Variants in MTUS2 observed in about 807,000 individuals in gnomAD.
MTUS2 encodes microtubule-associated tumor suppressor candidate 2.
A neutral mutation model predicts 114.1 loss-of-function variants in MTUS2; 40 were observed. That is an observed-to-expected ratio of 0.35 (90% CI 0.27 to 0.46). MTUS2 has a LOEUF of 0.46. Ranked by LOEUF, MTUS2 falls within the 20% of genes least tolerant of loss-of-function variation. MTUS2 has a pLI of 1.00. For missense variants in MTUS2, 1,679 were observed against 1,705.4 expected (o/e 0.98, Z 0.27); for synonymous variants, 688 against 672.0 (o/e 1.02, Z -0.37).
At chr13:28,904,923 A>G (rs1200817177) in intron 2 of MTUS2, among the ~76,000 whole-genome samples, 3 of 151,290 alleles carry the variant, frequency 2.0e-5, no homozygotes, top group Non-Finnish European at 4.4e-5. Context: ...ATCCTCTTTT[A>G]TTTCATTGAG....
At chr13:29,328,450 G>C (rs1374158738) in intron 7 of MTUS2, among the ~76,000 whole-genome samples, 1 of 152,246 alleles carries the variant, frequency 6.6e-6, no homozygotes, top group Non-Finnish European at 1.5e-5. Context: ...TCAAAGCAGA[G>C]GGCTGGGGAG....
intron 8 of MTUS2, among the ~76,000 whole-genome samples, chr13:29,388,677 A>G (rs531242403): frequency 6.7e-6 from 1 of 148,196 alleles, no homozygotes; most frequent in Admixed American, 7.1e-5. Flanking sequence ...AAATAAAATT[A>G]AAATTTAAAA....
At chr13:29,244,955 C>CAAAAAAAAAAAAAAAAAAAAAAAAAAAAA (rs56095961) in intron 5 of MTUS2, among the ~76,000 whole-genome samples, 2 of 60,506 alleles carry the variant, frequency 3.3e-5, no homozygotes, top group Admixed American at 2.0e-4. Context: ...GACTCCGTCT[C>CAAAAAAAAAAAAAAAAAAAAAAAAAAAAA]AAAAAAAAAA....
chr13:29,050,602 T>G (rs1240583404), intron 4 of MTUS2, among the ~76,000 whole-genome samples: 2 of 152,176 alleles, frequency 1.3e-5, no homozygotes, highest in Admixed American at 6.5e-5. Context: ...TACCCCCCTC[T>G]TCACACCCAG....
chr13:29,218,109 C>A (rs1895753782), intron 5 of MTUS2, among the ~76,000 whole-genome samples: 1 of 151,784 alleles, frequency 6.6e-6, no homozygotes, highest in African/African-American at 2.4e-5. Flanking sequence ...AGAGTGAGAC[C>A]TTGTCCCTCC....
intron 2 of MTUS2, among the ~76,000 whole-genome samples, chr13:28,929,798 C>T (rs1237220316): frequency 1.3e-5 from 2 of 152,186 alleles, no homozygotes; most frequent in Non-Finnish European, 2.9e-5. Context: ...TCCTGGCAGT[C>T]ACAGCCCCTG....
At position 28,844,159 on chromosome 13, in the gene MTUS2, A is replaced by T. The variant is rs565184413; in HGVS notation, c.-243+4309A>T. Among the ~76,000 whole-genome samples, 4 of 152,334 alleles carry T rather than the reference A, an allele frequency of 2.6e-5. No individual in the cohort carries two copies. In the East Asian group the frequency reaches 5.8e-4, roughly 22 times the overall value. ...GTAGAAGCACTGAGAACCTGAGCTC[A>T]CATCAGCCATTTGGTCGTGATTTCC... On this transcript the variant is annotated intron_variant, in intron 2 of 15. Coordinates refer to ENST00000612955, the MANE Select transcript of MTUS2 (RefSeq NM_001033602.4).
At chr13:29,273,527 A>G (rs2139511159) in intron 5 of MTUS2, among the ~76,000 whole-genome samples, 1 of 152,298 alleles carries the variant, frequency 6.6e-6, no homozygotes, top group African/African-American at 2.4e-5. Context: ...CTAGAGAAAA[A>G]AATCTTTTGA....
intron 6 of MTUS2, among the ~76,000 whole-genome samples, chr13:29,288,247 G>A (rs974127088): frequency 6.6e-6 from 1 of 152,224 alleles, no homozygotes. Flanking sequence ...AGGCAATGGG[G>A]ATGTGAGTTT....
intron 2 of MTUS2, among the ~76,000 whole-genome samples, chr13:29,011,121 C>G (rs953471467): frequency 6.6e-6 from 1 of 152,128 alleles, no homozygotes; most frequent in Non-Finnish European, 1.5e-5. Context: ...AAATAAGAAG[C>G]ATGAGACCTA....
At chr13:28,908,166 G>A (rs777486214) in intron 2 of MTUS2, among the ~76,000 whole-genome samples, 17 of 151,274 alleles carry the variant, frequency 1.1e-4, no homozygotes, top group Non-Finnish European at 2.1e-4. Flanking sequence ...TATACTTTAA[G>A]TTTTAGGGTA....
intron 9 of MTUS2, among the ~76,000 whole-genome samples, chr13:29,466,624 C>G (rs916548759): frequency 6.6e-6 from 1 of 152,064 alleles, no homozygotes; most frequent in South Asian, 2.1e-4. Flanking sequence ...CGCCTGTAAT[C>G]CCAGCACTTT....
rs558386373 is a variant in MTUS2, at chr13:29,033,210, A to G, written c.2206-675A>G. On this transcript the variant is annotated intron_variant, in intron 3 of 15. Coordinates refer to ENST00000612955, the MANE Select transcript of MTUS2 (RefSeq NM_001033602.4). ...AGCGGTTGATGAGATTGTGCCCTAG[A>G]ACTTCCATTCTGGTGAAACTTGCTC... Among the ~76,000 whole-genome samples, 5 of 152,320 alleles carry G rather than the reference A, an allele frequency of 3.3e-5. No homozygotes were observed. The South Asian group carries it at 8.3e-4, about 25-fold the overall frequency.
chr13:29,215,971 G>T (rs1895663758), intron 5 of MTUS2, among the ~76,000 whole-genome samples: 1 of 152,208 alleles, frequency 6.6e-6, no homozygotes, highest in Non-Finnish European at 1.5e-5. Context: ...CTGAAGGTGT[G>T]CCCATAGCCG....
At chr13:29,048,914 C>T (rs1422335510) in intron 4 of MTUS2, among the ~76,000 whole-genome samples, 1 of 152,214 alleles carries the variant, frequency 6.6e-6, no homozygotes, top group African/African-American at 2.4e-5. Flanking sequence ...CCATGCTTAG[C>T]CCCCATAGTA....
chr13:29,145,364 AC>A (rs1284116391), intron 5 of MTUS2, among the ~76,000 whole-genome samples: 2 of 152,072 alleles, frequency 1.3e-5, no homozygotes, highest in African/African-American at 4.8e-5. Context: ...TACTAAAAAT[AC>A]AAAAATGAGC....
At chr13:28,989,833 C>CT (rs1013962265) in intron 2 of MTUS2, among the ~76,000 whole-genome samples, 7 of 124,746 alleles carry the variant, frequency 5.6e-5, no homozygotes, top group Admixed American at 9.6e-5. Flanking sequence ...GGCTTTGGGC[C>CT]TTTTTTTTGT....
At chr13:29,371,302 CT>C (rs2138300824) in intron 8 of MTUS2, among the ~76,000 whole-genome samples, 1 of 149,788 alleles carries the variant, frequency 6.7e-6, no homozygotes, top group South Asian at 2.2e-4. Context: ...ACTGCAACCT[CT>C]GCTTCCTGGG....
At chr13:29,447,057 C>T (rs976405611) in intron 9 of MTUS2, among the ~76,000 whole-genome samples, 9 of 152,022 alleles carry the variant, frequency 5.9e-5, no homozygotes, top group South Asian at 2.1e-4. Flanking sequence ...TGGATACTTT[C>T]GGATTTAAGA....
Sources: allele counts gnomAD v4.1 joint callset (sites outside exome capture counted in the v4.1 genomes callset), GRCh38; gene constraint gnomAD v4.1.1; transcripts MANE v1.5; gene names NCBI Gene and HGNC (gene_info 2026-07-23, HGNC 2026-07-21).